The following KLC1 variants were observed in gnomAD, a reference collection of about 807,000 sequenced individuals.
The protein encoded by KLC1 is kinesin 2 60/70kDa.
A neutral mutation model predicts 84.2 loss-of-function variants in KLC1; 30 were observed. The observed-to-expected ratio is 0.36, with a 90% confidence interval of 0.27 to 0.48. KLC1 has a LOEUF of 0.48. Among genes scored for constraint, KLC1 ranks in the 20% least tolerant of loss-of-function variants. The probability of loss-of-function intolerance (pLI) is 0.99; values close to 1 mark genes in which losing one functional copy is unlikely to be tolerated. For missense variants in KLC1, 499 were observed against 805.4 expected (o/e 0.62, Z 4.60); for synonymous variants, 289 against 293.3 (o/e 0.99, Z 0.15).
chr14:103,654,960 C>T (rs2151493899), intron 2 of KLC1, 135 bp downstream of exon 2: 1 of 997,492 alleles, frequency 1.0e-6, no homozygotes, highest in South Asian at 1.7e-5. Flanking sequence ...TGCGGTGTGG[C>T]TCAGGCCTGT....
At chr14:103,667,527 G>A (rs1191499343) in intron 5 of KLC1, among the ~76,000 whole-genome samples, 1 of 151,960 alleles carries the variant, frequency 6.6e-6, no homozygotes, top group Non-Finnish European at 1.5e-5. Flanking sequence ...GTAGAGATGG[G>A]GTTTCACTGT....
At chr14:103,631,405 TAC>T (rs1339968053) in intron 1 of KLC1, among the ~76,000 whole-genome samples, 1 of 152,096 alleles carries the variant, frequency 6.6e-6, no homozygotes, top group Admixed American at 6.6e-5. Context: ...TTAAAATTTA[TAC>T]ATTCTTAGGC....
chr14:103,685,654 C>G (rs1190044295), intron 13 of KLC1: 4 of 1,289,416 alleles, frequency 3.1e-6, no homozygotes, highest in Non-Finnish European at 4.0e-6. Flanking sequence ...CCGCCCGTGA[C>G]TCTCACACTG....
intron 15 of KLC1, chr14:103,697,150 G>T: frequency 1.0e-6 from 1 of 983,666 alleles, no homozygotes; most frequent in Non-Finnish European, 1.2e-6. Flanking sequence ...ACTTGCCATT[G>T]TAGAATTCCT....
chr14:103,695,638 T>C (rs1308501476), intron 15 of KLC1: 2 of 985,254 alleles, frequency 2.0e-6, no homozygotes, highest in African/African-American at 3.5e-5. Flanking sequence ...GGAATAAACA[T>C]AGGGCTGAAT....
At chr14:103,677,030 A>C (rs991190971) in intron 11 of KLC1, among the ~76,000 whole-genome samples, 1 of 152,212 alleles carries the variant, frequency 6.6e-6, no homozygotes, top group African/African-American at 2.4e-5. Context: ...CGTGAGCAGC[A>C]ACATTCAGAG....
chr14:103,684,267 C>T (rs971894497), intron 13 of KLC1, among the ~76,000 whole-genome samples: 2 of 152,178 alleles, frequency 1.3e-5, no homozygotes, highest in African/African-American at 2.4e-5. Flanking sequence ...CAGATAATAA[C>T]GATGACTGCA....
intron 6 of KLC1, 52 bp from the exon 7 acceptor site, chr14:103,670,130 C>G: frequency 8.7e-7 from 1 of 1,147,656 alleles, no homozygotes; most frequent in Non-Finnish European, 1.2e-6. Context: ...TATAAATGTA[C>G]TCTTATTTGG....
Position 103,649,562 on chromosome 14 carries a change from C to CA in KLC1, c.-1-4980dup, listed in dbSNP as rs35297746. ...TGGGCAACATGGTGAGACCTCATCT[C>CA]AAAAAAAAAAAAAAAAAAAAAAGAA... On this transcript the variant is annotated intron_variant, in intron 1 of 16. Coordinates refer to ENST00000334553, the MANE Select transcript of KLC1 (RefSeq NM_001394837.1). 7.4e-3 allele frequency among the ~76,000 whole-genome samples: 554 copies of CA among 75,144 alleles called. 4 individuals carry two copies. Among genetic ancestry groups the CA allele is most frequent in the South Asian group, 0.013 (27 of 2,108 alleles). 49.3% of individuals were successfully genotyped at this position (75,144 alleles called of 152,430 possible). A position where few individuals can be genotyped will look rare whatever the true frequency, so the allele number is the denominator to read the frequency against.
At chr14:103,641,465 A>G (rs1237663625) in intron 1 of KLC1, among the ~76,000 whole-genome samples, 2 of 152,176 alleles carry the variant, frequency 1.3e-5, no homozygotes, top group African/African-American at 2.4e-5. Flanking sequence ...GGAGGCTGGA[A>G]GTCTGGGATC....
At chr14:103,637,174 G>T in intron 1 of KLC1, among the ~76,000 whole-genome samples, 1 of 151,218 alleles carries the variant, frequency 6.6e-6, no homozygotes, top group Non-Finnish European at 1.5e-5. Context: ...TTTATTTTTT[G>T]GTAGTGCCTT....
At chr14:103,644,513 C>G (rs1484918676) in intron 1 of KLC1, among the ~76,000 whole-genome samples, 1 of 152,106 alleles carries the variant, frequency 6.6e-6, no homozygotes, top group Non-Finnish European at 1.5e-5. Context: ...CCCGCTTCAG[C>G]CTCCCGAAGT....
chr14:103,666,417 A>T (rs972065315), intron 5 of KLC1, among the ~76,000 whole-genome samples: 2 of 150,306 alleles, frequency 1.3e-5, no homozygotes, highest in African/African-American at 4.9e-5. Flanking sequence ...TGCTAGTCCC[A>T]CTCCCAGAGT....
chr14:103,631,179 C>T (rs1307347090), intron 1 of KLC1, among the ~76,000 whole-genome samples: 1 of 151,550 alleles, frequency 6.6e-6, no homozygotes, highest in Non-Finnish European at 1.5e-5. Context: ...CTCCCGGGTT[C>T]ACGCCATTCT....
At chr14:103,668,623 G>A (rs1047309869) in intron 5 of KLC1, among the ~76,000 whole-genome samples, 5 of 151,736 alleles carry the variant, frequency 3.3e-5, no homozygotes, top group African/African-American at 9.7e-5. Flanking sequence ...GACAACAGGC[G>A]CATGCTGCCA....
intron 1 of KLC1, among the ~76,000 whole-genome samples, chr14:103,644,861 A>G (rs888265074): frequency 1.3e-5 from 2 of 152,244 alleles, no homozygotes; most frequent in Non-Finnish European, 2.9e-5. Flanking sequence ...GTAGAGGCTC[A>G]GTAAACATTT....
intron 14 of KLC1, chr14:103,688,032 C>CT (rs1231812153): frequency 6.6e-6 from 1 of 152,220 alleles, no homozygotes; most frequent in Non-Finnish European, 1.5e-5. Flanking sequence ...AGTGATCCCA[C>CT]TTTAAGTTCT....
chr14:103,676,465 C>T (rs1258666323), intron 11 of KLC1, among the ~76,000 whole-genome samples: 4 of 152,126 alleles, frequency 2.6e-5, no homozygotes, highest in Non-Finnish European at 4.4e-5. Flanking sequence ...AGAGTTTCAC[C>T]GTGTTGGCCA....
intron 1 of KLC1, among the ~76,000 whole-genome samples, chr14:103,632,927 G>A (rs1488595681): frequency 6.6e-6 from 1 of 152,076 alleles, no homozygotes; most frequent in Non-Finnish European, 1.5e-5. Context: ...TAAATCCTGA[G>A]GTTGTGCTGC....
Sources: allele counts gnomAD v4.1 joint callset (sites outside exome capture counted in the v4.1 genomes callset), GRCh38; gene constraint gnomAD v4.1.1; transcripts MANE v1.5; gene names NCBI Gene and HGNC (gene_info 2026-07-23, HGNC 2026-07-21).